The following SIM1 variants were observed in gnomAD, a reference collection of about 807,000 sequenced individuals.
The protein encoded by SIM1 is SIM bHLH transcription factor 1, also known as single-minded homolog 1.
In SIM1, 18 loss-of-function variants were observed where a neutral mutation model predicts 78.2. The observed-to-expected ratio is 0.23, with a 90% CI of 0.16 to 0.34. SIM1 has a LOEUF of 0.34. Among genes scored for constraint, SIM1 ranks in the 10% least tolerant of loss-of-function variants. The pLI is 1.00. For synonymous variants in SIM1, 417 were observed against 385.2 expected, an observed-to-expected ratio of 1.08 and a Z score of -0.97; for missense variants, 939 against 975.1, an observed-to-expected ratio of 0.96 and a Z score of 0.49.
chr6:100,460,133 C>T (rs1772802524), intron 2 of SIM1, among the ~76,000 whole-genome samples: 1 of 151,854 alleles, frequency 6.6e-6, no homozygotes, highest in South Asian at 2.1e-4. Flanking sequence ...ACCCATATTC[C>T]ATTTCTCTGT....
At position 100,390,818 on chromosome 6, in the gene SIM1, G is replaced by C. The variant is rs1389162466; in HGVS notation, c.1844C>G (p.Thr615Arg). Reference sequence around the variant, plus strand: ...AGCAGAGCCATGGCAGACTTCACCTGTTGGTGGGGGCTGTTGGTAGTTTGC... The same window carrying C: ...AGCAGAGCCATGGCAGACTTCACCTCTTGGTGGGGGCTGTTGGTAGTTTGC... ...CFANYQQPPP[T>R]GEVCHGSALA... Residue 615 changes from threonine to arginine, a missense_variant, in exon 12 of 12, where the codon ACA (threonine) becomes AGA (arginine). Transcript: ENST00000369208. 1 of 1,614,106 alleles carries C rather than the reference G, an allele frequency of 6.2e-7. No individual in the cohort carries two copies. The highest frequency in any genetic ancestry group is 8.5e-7 in the Non-Finnish European group (1 of 1,180,046).
chr6:100,433,498 A>C (rs773154400), intron 9 of SIM1, among the ~76,000 whole-genome samples: 20 of 152,192 alleles, frequency 1.3e-4, no homozygotes, highest in Non-Finnish European at 2.4e-4. Context: ...TGTCCTGCTT[A>C]ATTTTTCTCC....
At chr6:100,427,087 G>A (rs866966265) in intron 9 of SIM1, 1 of 152,194 alleles carries the variant, frequency 6.6e-6, no homozygotes, top group African/African-American at 2.4e-5. Context: ...ACTGTTACAC[G>A]AAGTGTATGA....
intron 10 of SIM1, among the ~76,000 whole-genome samples, chr6:100,408,073 C>T (rs953544740): frequency 6.6e-6 from 1 of 152,016 alleles, no homozygotes; most frequent in African/African-American, 2.4e-5. Flanking sequence ...TGTCAAGGAG[C>T]TTTTTCCCTA....
chr6:100,417,933 T>C (rs1194652350), intron 10 of SIM1, among the ~76,000 whole-genome samples: 24 of 152,350 alleles, frequency 1.6e-4, no homozygotes, highest in Admixed American at 1.3e-3. Flanking sequence ...ATGAGACGTA[T>C]GGTTGAAATT....
At chr6:100,441,655 G>T (rs1384787785) in intron 9 of SIM1, among the ~76,000 whole-genome samples, 4 of 152,176 alleles carry the variant, frequency 2.6e-5, no homozygotes, top group Non-Finnish European at 4.4e-5. Context: ...TAAAATGTTT[G>T]CAGGCTACAT....
Position 100,386,472 on chromosome 6 carries a change from C to T in SIM1, c.*3889G>A, listed in dbSNP as rs539516214. ...TTTATCTGTGCTGCCATCCATCAAA[C>T]TTACTTGGTTTAGATCTTGAGGGCG... On this transcript the variant is annotated 3_prime_UTR_variant, in exon 12 of 12. Transcript: ENST00000369208. The T allele has an allele frequency of 4.6e-5, 7 of 152,160 alleles. No homozygotes were observed. The highest frequency in any genetic ancestry group is 8.8e-5 in the Non-Finnish European group (6 of 67,914). 9.4% of individuals were successfully genotyped at this position (152,160 alleles called of 1,614,324 possible).
chr6:100,432,787 C>T (rs1771936423), intron 9 of SIM1, among the ~76,000 whole-genome samples: 1 of 152,174 alleles, frequency 6.6e-6, no homozygotes, highest in Non-Finnish European at 1.5e-5. Context: ...CCAGTCCTCC[C>T]AACTCCACAG....
At chr6:100,442,159 A>G (rs543843938) in intron 9 of SIM1, among the ~76,000 whole-genome samples, 72 of 152,378 alleles carry the variant, frequency 4.7e-4, no homozygotes, top group African/African-American at 1.7e-3. Flanking sequence ...ATACGAATTC[A>G]GCATTTGTTT....
chr6:100,428,106 A>G (rs1355772476), intron 9 of SIM1, among the ~76,000 whole-genome samples: 3 of 152,244 alleles, frequency 2.0e-5, no homozygotes, highest in Non-Finnish European at 4.4e-5. Flanking sequence ...ATAATTAATA[A>G]TGATCATTCT....
In SIM1 at chr6:100,448,052, G is replaced by C. The variant is rs1326411839; in HGVS notation, c.850+94C>G. 6 of 1,021,386 alleles carry C rather than the reference G, an allele frequency of 5.9e-6. No homozygotes were observed. The South Asian group carries it at 9.2e-5, about 16-fold the overall frequency. The allele number at this position is 1,021,386 out of a possible 1,614,324, so 63.3% of individuals were successfully genotyped here. On this transcript the variant is annotated intron_variant, in intron 8 of 11. Coordinates refer to ENST00000369208, the MANE Select transcript of SIM1 (RefSeq NM_005068.3). Reference sequence around the variant, plus strand: ...CACCCGGCTCCCTGGGCTCCCACCTGTCCTCTTGCGAGGGATTTAAATCGT... The same window carrying C: ...CACCCGGCTCCCTGGGCTCCCACCTCTCCTCTTGCGAGGGATTTAAATCGT...
At chr6:100,422,571 T>C (rs1490311986) in intron 9 of SIM1, among the ~76,000 whole-genome samples, 2 of 152,188 alleles carry the variant, frequency 1.3e-5, no homozygotes, top group Non-Finnish European at 2.9e-5. Flanking sequence ...TCAGCAAATA[T>C]TCATTTATCT....
At chr6:100,419,612 T>C (rs967116384) in intron 10 of SIM1, among the ~76,000 whole-genome samples, 3 of 152,192 alleles carry the variant, frequency 2.0e-5, no homozygotes, top group Non-Finnish European at 2.9e-5. Context: ...GATGAATAAG[T>C]GACTCAGAAA....
chr6:100,435,490 G>C (rs1373532309), intron 9 of SIM1, among the ~76,000 whole-genome samples: 1 of 152,076 alleles, frequency 6.6e-6, no homozygotes, highest in Non-Finnish European at 1.5e-5. Context: ...ACACAAAGCA[G>C]CCGCCCTTCA....
At chr6:100,448,773 G>T in intron 6 of SIM1, 95 bp from the exon 7 acceptor site, 2 of 1,176,832 alleles carry the variant, frequency 1.7e-6, no homozygotes, top group Non-Finnish European at 2.4e-6. Context: ...ACTCTGCTTA[G>T]CCCCAAAGCA....
intron 10 of SIM1, among the ~76,000 whole-genome samples, chr6:100,412,739 G>T (rs983328700): frequency 7.4e-6 from 1 of 135,846 alleles, no homozygotes; most frequent in Non-Finnish European, 1.6e-5. Flanking sequence ...AAGAAAGAAA[G>T]AAAGAAAGAA....
chr6:100,395,026 A>T (rs927667880), intron 10 of SIM1, among the ~76,000 whole-genome samples: 4 of 152,170 alleles, frequency 2.6e-5, no homozygotes, highest in African/African-American at 7.2e-5. Context: ...CTACTCCCAG[A>T]CTATTTGGTC....
chr6:100,459,147 C>A (rs1772770895), intron 2 of SIM1, among the ~76,000 whole-genome samples: 1 of 152,204 alleles, frequency 6.6e-6, no homozygotes, highest in African/African-American at 2.4e-5. Context: ...AAATTCAGCC[C>A]CGTTTTATCA....
At chr6:100,419,150 T>C (rs1330455903) in intron 10 of SIM1, among the ~76,000 whole-genome samples, 2 of 152,034 alleles carry the variant, frequency 1.3e-5, no homozygotes, top group Non-Finnish European at 2.9e-5. Flanking sequence ...TGGGCAACAG[T>C]GCGAGACTCC....
Sources: allele counts gnomAD v4.1 joint callset (sites outside exome capture counted in the v4.1 genomes callset), GRCh38; gene constraint gnomAD v4.1.1; transcripts MANE v1.5; gene names NCBI Gene and HGNC (gene_info 2026-07-23, HGNC 2026-07-21).